PBRM1: variants seen among roughly 807,000 people sequenced by gnomAD.
PBRM1 encodes the protein protein polybromo-1.
Under a neutral mutation model 194.5 loss-of-function variants are expected in PBRM1, and 27 were observed. That is an observed-to-expected ratio of 0.14 (90% CI 0.10 to 0.19). The LOEUF (loss-of-function observed/expected upper bound fraction) is 0.19. Ranked by LOEUF, PBRM1 falls within the 10% of genes least tolerant of loss-of-function variation. The pLI, the probability that PBRM1 is intolerant of heterozygous loss-of-function variation, is 1.00. For synonymous variants in PBRM1, 655 were observed against 693.2 expected, an observed-to-expected ratio of 0.94 and a Z score of 0.87; for missense variants, 1,466 against 2,077.2, an observed-to-expected ratio of 0.71 and a Z score of 5.72.
chr3:52,623,698 C>T (rs570819957), intron 13 of PBRM1, among the ~76,000 whole-genome samples: 1 of 152,282 alleles, frequency 6.6e-6, no homozygotes, highest in Non-Finnish European at 1.5e-5. Context: ...GATCCTCACA[C>T]CAATCCTATG....
chr3:52,586,193 C>T (rs2092363400), intron 20 of PBRM1: 3 of 343,774 alleles, frequency 8.7e-6, no homozygotes, highest in Non-Finnish European at 1.6e-5. Context: ...CTTGGCCTCC[C>T]AAAATGCTGG....
At chr3:52,662,405 CAT>C in intron 3 of PBRM1, 129 bp from the exon 5 acceptor site, 2 of 690,366 alleles carry the variant, frequency 2.9e-6, no homozygotes, top group Non-Finnish European at 4.8e-6. Context: ...ATGATTAAAA[CAT>C]ATATGGGTCC....
chr3:52,565,738 G>A (rs955686469), intron 22 of PBRM1, among the ~76,000 whole-genome samples: 2 of 151,784 alleles, frequency 1.3e-5, no homozygotes, highest in Non-Finnish European at 2.9e-5. Flanking sequence ...AAAGACATAC[G>A]AATGTCCAAT....
intron 14 of PBRM1, among the ~76,000 whole-genome samples, chr3:52,616,457 G>A (rs2094956744): frequency 6.6e-6 from 1 of 152,150 alleles, no homozygotes; most frequent in African/African-American, 2.4e-5. Context: ...ACTTTGGGAG[G>A]CTGAGGCAGG....
Position 52,603,470 on chromosome 3 carries a change from C to G in PBRM1, c.2779+51G>C, listed in dbSNP as rs2276824. The G allele has an allele frequency of 0.55, 844,247 of 1,541,054 alleles. 236,881 individuals are homozygous for G. The highest frequency in any genetic ancestry group is 0.76 in the African/African-American group (55,508 of 73,408). ...TTTTCCACAGCTAATTATGAGAACA[C>G]CTAGAAGACAGTGCATTTTTTCATA... On this transcript the variant is annotated intron_variant, in intron 17 of 29. Transcript: ENST00000296302.
downstream of PBRM1, chr3:52,547,967 ATCC>A: frequency 1.0e-6 from 1 of 981,958 alleles, no homozygotes; most frequent in Non-Finnish European, 1.5e-6. Context: ...AATAAAAATT[ATCC>A]TCCTTTGTTC....
upstream of PBRM1, among the ~76,000 whole-genome samples, chr3:52,683,793 G>A (rs904547464): frequency 1.9e-5 from 1 of 51,562 alleles, no homozygotes; most frequent in African/African-American, 8.9e-5. Flanking sequence ...ACTCCAGGCT[G>A]GGGGACAGAG....
upstream of PBRM1, among the ~76,000 whole-genome samples, chr3:52,682,645 G>A (rs1477164767): frequency 3.3e-5 from 5 of 152,152 alleles, no homozygotes; most frequent in African/African-American, 1.2e-4. Context: ...AATGTTATAA[G>A]GTGGGAGAAA....
In PBRM1 at chr3:52,624,879, TA is replaced by T; in HGVS notation, c.1541+2393del. The T allele has an allele frequency of 6.0e-6, 9 of 1,495,538 alleles. No homozygotes were observed. The highest frequency in any genetic ancestry group is 7.3e-6 in the Non-Finnish European group (8 of 1,096,896). The allele number at this position is 1,495,538 out of a possible 1,614,324, so 92.6% of individuals were successfully genotyped here. ...TACACTTTAAAAGAATGTTTATGCATAAAAAAGGACTGCACACCTGGATAGC... is the reference window on the plus strand; with the variant it reads ...TACACTTTAAAAGAATGTTTATGCATAAAAAGGACTGCACACCTGGATAGC... On this transcript the variant is annotated intron_variant, in intron 13 of 29. Transcript: ENST00000296302.
chr3:52,671,362 C>A (rs2096944741), intron 2 of PBRM1, among the ~76,000 whole-genome samples: 1 of 152,196 alleles, frequency 6.6e-6, no homozygotes, highest in South Asian at 2.1e-4. Context: ...TGGTCCAGCA[C>A]CCAAGGTGTG....
At chr3:52,634,855 G>C in intron 10 of PBRM1, 40 bp from the exon 12 acceptor site, 1 of 1,347,538 alleles carries the variant, frequency 7.4e-7, no homozygotes, top group Non-Finnish European at 1.1e-6. Flanking sequence ...GGACGAATGA[G>C]ATGAAGAAAG....
intron 22 of PBRM1, among the ~76,000 whole-genome samples, chr3:52,569,271 C>T (rs951139405): frequency 1.3e-5 from 2 of 150,244 alleles, no homozygotes; most frequent in East Asian, 1.9e-4. Context: ...AGTGCAGTGG[C>T]GCGATCTCGG....
intron 22 of PBRM1, among the ~76,000 whole-genome samples, chr3:52,571,797 AGGATGCTTGAGGCCAG>A (rs2087369973): frequency 1.5e-5 from 2 of 132,400 alleles, no homozygotes; most frequent in African/African-American, 5.5e-5. Context: ...CTGAGCAGGG[AGGATGCTTGAGGCCAG>A]GAGTTTGAGA....
At chr3:52,677,780 C>T (rs1057413636) in intron 2 of PBRM1, among the ~76,000 whole-genome samples, 2 of 152,150 alleles carry the variant, frequency 1.3e-5, no homozygotes, top group Admixed American at 6.5e-5. Context: ...AGGCTGGTCT[C>T]GAACTCCTGG....
chr3:52,661,379 T>C (rs984386172), intron 4 of PBRM1, among the ~76,000 whole-genome samples: 6 of 152,238 alleles, frequency 3.9e-5, no homozygotes, highest in Non-Finnish European at 5.9e-5. Flanking sequence ...ATGTCAGGTA[T>C]AGTGCAGATA....
intron 7 of PBRM1, 95 bp downstream of exon 8, chr3:52,648,249 T>C: frequency 1.4e-6 from 1 of 731,754 alleles, no homozygotes; most frequent in Admixed American, 2.4e-5. Context: ...GGTATGTGAA[T>C]TATATCTCAA....
exon 12 of PBRM1, chr3:52,628,998 G>A (rs1474605653): frequency 1.2e-6 from 2 of 1,609,170 alleles, no homozygotes; most frequent in African/African-American, 1.3e-5. Flanking sequence ...CACTCCAAAT[G>A]ATCTAAAGTT....
intron 25 of PBRM1, among the ~76,000 whole-genome samples, chr3:52,561,450 A>G (rs926138717): frequency 1.3e-5 from 2 of 152,248 alleles, no homozygotes; most frequent in Non-Finnish European, 2.9e-5. Flanking sequence ...TCATTGTACA[A>G]TAATTCCCTA....
intron 7 of PBRM1, among the ~76,000 whole-genome samples, chr3:52,645,907 G>A (rs73839121): frequency 0.03 from 4,561 of 152,230 alleles, 254 homozygotes; most frequent in African/African-American, 0.1. Context: ...AAGCAAAACC[G>A]CAGATAAGGT....
Sources: gnomAD v4.1 joint callset for allele counts (sites outside exome capture counted in the v4.1 genomes callset) on GRCh38, gnomAD v4.1.1 for gene constraint, MANE v1.5 for transcripts, NCBI Gene and HGNC (gene_info 2026-07-23, HGNC 2026-07-21) for gene names.